Variants in BACE2 observed in about 807,000 individuals in gnomAD.
BACE2 encodes the protein beta-secretase 2.
A neutral mutation model predicts 46.2 loss-of-function variants in BACE2; 17 were observed. The ratio of observed to expected loss-of-function variants is 0.37; its 90% CI spans 0.25 to 0.55. The LOEUF is 0.55. BACE2 is among the 20% of genes least tolerant of loss of function. The pLI is 0.82. For synonymous variants in BACE2, 277 were observed against 295.9 expected, an observed-to-expected ratio of 0.94 and a Z score of 0.66; for missense variants, 595 against 698.1, an observed-to-expected ratio of 0.85 and a Z score of 1.66.
chr21:41,203,542 G>C (rs1223803800), intron 1 of BACE2, among the ~76,000 whole-genome samples: 1 of 152,112 alleles, frequency 6.6e-6, no homozygotes, highest in Admixed American at 6.5e-5. Flanking sequence ...TGAGGAGTGT[G>C]GTTTTGGAAA....
intron 8 of BACE2, among the ~76,000 whole-genome samples, chr21:41,270,739 A>G (rs1277307877): frequency 2.6e-5 from 4 of 152,238 alleles, no homozygotes; most frequent in Non-Finnish European, 5.9e-5. Flanking sequence ...AATATAGTCT[A>G]TCACAGTAAA....
At chr21:41,246,150 T>G in intron 6 of BACE2, 87 bp downstream of exon 6, 2 of 959,744 alleles carry the variant, frequency 2.1e-6, no homozygotes, top group Non-Finnish European at 3.1e-6. Context: ...TGAGCATCTC[T>G]GAACTATTGC....
At chr21:41,218,882 GT>G (rs1986555139) in intron 1 of BACE2, among the ~76,000 whole-genome samples, 1 of 81,464 alleles carries the variant, frequency 1.2e-5, no homozygotes, top group African/African-American at 6.1e-5. Context: ...TTTTTTTTTT[GT>G]GACAGAGTCT....
At chr21:41,204,561 A>G (rs1986065847) in intron 1 of BACE2, among the ~76,000 whole-genome samples, 1 of 152,196 alleles carries the variant, frequency 6.6e-6, no homozygotes, top group African/African-American at 2.4e-5. Flanking sequence ...TCCAGCAAAC[A>G]TATTTAACAC....
At chr21:41,251,444 C>A (rs918372732) in intron 7 of BACE2, among the ~76,000 whole-genome samples, 1 of 152,180 alleles carries the variant, frequency 6.6e-6, no homozygotes, top group Non-Finnish European at 1.5e-5. Flanking sequence ...AAAGGGAAGA[C>A]CTGGAGACAT....
rs940640258 is a variant in BACE2 at position 41,235,249 on chromosome 21, T to C, written c.402-2264T>C. Among the ~76,000 whole-genome samples the C allele has an allele frequency of 2.6e-5, 4 of 152,248 alleles. No homozygotes were observed. The East Asian group carries it at 7.7e-4, about 29-fold the overall frequency. ...GTCTGTCTCATTGACGTATTTTTCT[T>C]TTAACTTTTTCTCTGCATCATTTAA... On this transcript the variant is annotated intron_variant, in intron 2 of 8. Coordinates refer to ENST00000330333, the MANE Select transcript of BACE2 (RefSeq NM_012105.5).
intron 8 of BACE2, among the ~76,000 whole-genome samples, chr21:41,275,090 G>A (rs1485815859): frequency 6.6e-5 from 10 of 152,062 alleles, no homozygotes; most frequent in Non-Finnish European, 1.5e-4. Context: ...ATTCCATGAA[G>A]CACAGGGTGC....
intron 7 of BACE2, chr21:41,252,458 G>C (rs1159406839): frequency 6.6e-6 from 1 of 152,206 alleles, no homozygotes; most frequent in Non-Finnish European, 1.5e-5. Context: ...CATTTGTGAG[G>C]TTGCACCTCC....
chr21:41,199,375 G>T (rs1985869700), intron 1 of BACE2, among the ~76,000 whole-genome samples: 1 of 152,048 alleles, frequency 6.6e-6, no homozygotes, highest in African/African-American at 2.4e-5. Context: ...CGAGGAGGAA[G>T]AACTGAGCTC....
Position 41,241,918 on chromosome 21 carries a change from G to A in BACE2, c.718G>A (p.Ala240Thr). The change falls in exon 4 of 9, where the codon GCT becomes ACT. Residue 240 changes from alanine (A) to threonine (T), a missense_variant. Around this residue, in one of 3 missense-constraint regions of BACE2, gnomAD observed 343 missense variants for 419.4 expected, o/e 0.82. Transcript: ENST00000330333. ...MQMCGAGLPV[A>T]GSGTNGGSLV... ...GATGTGTGGAGCCGGCTTGCCCGTT[G>A]CTGGATCTGGGACCAACGGAGGTAG... is the stretch of plus-strand genomic sequence containing the variant. 1 of 1,614,136 alleles carries A rather than the reference G, an allele frequency of 6.2e-7. No individual in the cohort carries two copies. Among genetic ancestry groups the A allele is most frequent in the Non-Finnish European group, 8.5e-7 (1 of 1,180,014 alleles).
chr21:41,203,224 G>A (rs1427471056), intron 1 of BACE2, among the ~76,000 whole-genome samples: 1 of 152,122 alleles, frequency 6.6e-6, no homozygotes. Context: ...TTACCACACG[G>A]GCAAAGGAAT....
At position 41,192,657 on chromosome 21, in the gene BACE2, A is replaced by T. The variant is rs940370165; in HGVS notation, c.312+24082A>T. On this transcript the variant is annotated intron_variant, in intron 1 of 8. Transcript: ENST00000330333. ...GCTCCAATCAGCATCCCTATCTGCC[A>T]CTGACACCTCAAGCACCATTGGATC... Among the ~76,000 whole-genome samples the T allele has an allele frequency of 2.0e-5, 3 of 152,334 alleles. No individual in the cohort carries two copies. The East Asian group carries it at 5.8e-4, about 29-fold the overall frequency.
intron 2 of BACE2, among the ~76,000 whole-genome samples, chr21:41,234,222 A>G (rs141761619): frequency 4.8e-4 from 73 of 152,280 alleles, no homozygotes; most frequent in Non-Finnish European, 7.1e-4. Flanking sequence ...CATGTAAGAC[A>G]TGCCTTTCAC....
At chr21:41,252,805 T>C (rs933906975) in intron 7 of BACE2, among the ~76,000 whole-genome samples, 1 of 152,194 alleles carries the variant, frequency 6.6e-6, no homozygotes, top group Non-Finnish European at 1.5e-5. Flanking sequence ...AAGTAAATGG[T>C]ACTACTGCCT....
rs1457628402 is a variant in BACE2, at chr21:41,277,985, G to A, written c.*2361G>A. Reference sequence around the variant, plus strand: ...CTGGCATGTCTTGCTGCTGAGAATCGGACTTCCAGTCAAAACCCTGTTAGT... The same window carrying A: ...CTGGCATGTCTTGCTGCTGAGAATCAGACTTCCAGTCAAAACCCTGTTAGT... On this transcript the variant is annotated 3_prime_UTR_variant, in exon 9 of 9. Coordinates refer to ENST00000330333, the MANE Select transcript of BACE2 (RefSeq NM_012105.5). 4 of 152,168 alleles carry A rather than the reference G, an allele frequency of 2.6e-5. No individual in the cohort carries two copies. Among genetic ancestry groups the A allele is most frequent in the African/African-American group, 7.2e-5 (3 of 41,420 alleles). 9.4% of individuals were successfully genotyped at this position (152,168 alleles called of 1,614,324 possible). A position where few individuals can be genotyped will look rare whatever the true frequency, so the allele number is the denominator to read the frequency against.
At chr21:41,233,632 G>C (rs1302020018) in intron 2 of BACE2, among the ~76,000 whole-genome samples, 2 of 152,226 alleles carry the variant, frequency 1.3e-5, no homozygotes, top group African/African-American at 2.4e-5. Context: ...TCAAAAGGAA[G>C]TCATAGCATT....
At chr21:41,186,781 T>G (rs1304954301) in intron 1 of BACE2, 1 of 152,378 alleles carries the variant, frequency 6.6e-6, no homozygotes, top group East Asian at 1.9e-4. Context: ...CTGTGTGCCC[T>G]GAGTAGCAGC....
intron 2 of BACE2, among the ~76,000 whole-genome samples, chr21:41,230,898 C>T (rs1367425647): frequency 6.6e-6 from 1 of 152,214 alleles, no homozygotes; most frequent in Non-Finnish European, 1.5e-5. Context: ...TAAAATCTCA[C>T]CTCCAGCTAG....
At chr21:41,192,430 A>G (rs973452397) in intron 1 of BACE2, among the ~76,000 whole-genome samples, 3 of 152,156 alleles carry the variant, frequency 2.0e-5, no homozygotes, top group Admixed American at 2.0e-4. Context: ...GACCCACTTT[A>G]TGGCTAGATG....
Sources: allele counts gnomAD v4.1 joint callset (sites outside exome capture counted in the v4.1 genomes callset), GRCh38; gene constraint gnomAD v4.1.1; regional missense constraint gnomAD v4.1.1; transcripts MANE v1.5; gene names NCBI Gene and HGNC (gene_info 2026-07-23, HGNC 2026-07-21).